Variants in CES5A observed in about 807,000 individuals in gnomAD.
The protein encoded by CES5A is carboxylesterase 5.
A neutral mutation model predicts 62.9 loss-of-function variants in CES5A; 67 were observed. The observed-to-expected ratio is 1.07, with a 90% CI of 0.88 to 1.31. The LOEUF is 1.31. Ranked by LOEUF, CES5A falls within the 50% of genes most tolerant of loss-of-function variation. The pLI, the probability that CES5A is intolerant of heterozygous loss-of-function variation, is 0.00. For synonymous variants in CES5A, 296 were observed against 280.8 expected (o/e 1.05, Z -0.54); for missense variants, 748 against 708.5 (o/e 1.06, Z -0.63).
At chr16:55,954,871 T>C (rs2034592685) in intron 1 of CES5A, among the ~76,000 whole-genome samples, 1 of 152,200 alleles carries the variant, frequency 6.6e-6, no homozygotes, top group African/African-American at 2.4e-5. Context: ...ATAAATATTA[T>C]TCCCATTGCA....
Position 55,955,746 on chromosome 16 carries a change from G to A in CES5A, c.42+98C>T, listed in dbSNP as rs2142492024. 3.0e-6 allele frequency: 4 copies of A among 1,325,996 alleles called. No homozygotes were observed. The South Asian group carries it at 5.2e-5, about 17-fold the overall frequency. The allele number at this position is 1,325,996 out of a possible 1,614,324, so 82.1% of individuals were successfully genotyped here. A position where few individuals can be genotyped will look rare whatever the true frequency, so the allele number is the denominator to read the frequency against. On this transcript the variant is annotated intron_variant, in intron 1 of 13. Transcript: ENST00000521992. ...GGGGCTGACCCAGAGAGACAAAGTT[G>A]GGTGGGTAAATTTGCATCTAATCTA...
rs749343526 is a variant in CES5A, at chr16:55,875,200, G to T, written c.22C>A (p.Pro8Thr). 1.2e-6 allele frequency: 2 copies of T among 1,613,830 alleles called. No homozygotes were observed. Among genetic ancestry groups the T allele is most frequent in the South Asian group, 2.2e-5 (2 of 90,956 alleles). ...ATAGCCCAAATTAGGATCTGGCCTG[G>T]GTGCACCCAATTCCCACTCATTTGG... MSGNWVH[P>T]GQILIWAIWV... The change falls in exon 1 of 13, where the codon CCA (proline) becomes ACA (threonine). Residue 8 changes from proline to threonine, a missense_variant. Physicochemically the swap from Pro to Thr is conservative, Grantham distance 38. Transcript: ENST00000290567.
At chr16:55,918,353 C>A (rs183716077) in intron 1 of CES5A, among the ~76,000 whole-genome samples, 2 of 152,274 alleles carry the variant, frequency 1.3e-5, no homozygotes, top group East Asian at 3.9e-4. Flanking sequence ...ACTGTTCCAA[C>A]TATAATAAAT....
intron 2 of CES5A, among the ~76,000 whole-genome samples, chr16:55,942,525 T>C (rs1303957456): frequency 6.6e-6 from 1 of 152,226 alleles, no homozygotes; most frequent in East Asian, 1.9e-4. Context: ...AGAATGGCTA[T>C]TCTAACAATA....
In CES5A at chr16:55,874,024, T is replaced by G; in HGVS notation, c.87A>C (p.Glu29Asp). Residue 29 changes from glutamate (E) to aspartate (D), a missense_variant, in exon 2 of 13, where the codon GAA becomes GAC. Glu to Asp is a conservative substitution (Grantham distance 45). Transcript: ENST00000290567. ...CCAGCCTGGTGTTCCTCTGTGGCCC[T>G]TCAGCAGAAGGCCCTGCGGGAACAC... is the stretch of plus-strand genomic sequence containing the variant. ...LAAPTKGPSA[E>D]GPQRNTRLGW... The G allele has an allele frequency of 1.2e-6, 2 of 1,605,328 alleles. No individual in the cohort carries two copies. The highest frequency in any genetic ancestry group is 1.3e-5 in the African/African-American group (1 of 74,972).
At position 55,856,455 on chromosome 16, in the gene CES5A, G is replaced by C; in HGVS notation, c.1057-10C>G. On this transcript the variant is annotated splice_polypyrimidine_tract_variant and intron_variant, in intron 8 of 12. Coordinates refer to ENST00000290567, the MANE Select transcript of CES5A (RefSeq NM_001143685.2). ...TCTCAGGAGCCTCCTTCTGTGGAGA[G>C]AAGCGTGCCCTCTGTAAGCCATCTG... The C allele has an allele frequency of 6.2e-7, 1 of 1,613,908 alleles. No homozygotes were observed. Among genetic ancestry groups the C allele is most frequent in the East Asian group, 2.2e-5 (1 of 44,860 alleles).
chr16:55,931,959 C>T (rs1047779306), intron 2 of CES5A, among the ~76,000 whole-genome samples: 10 of 152,158 alleles, frequency 6.6e-5, no homozygotes, highest in South Asian at 4.1e-4. Context: ...TCACCAATGT[C>T]GCATTATGAA....
chr16:55,943,462 C>T (rs747842868), intron 2 of CES5A, among the ~76,000 whole-genome samples: 20 of 152,230 alleles, frequency 1.3e-4, no homozygotes, highest in Non-Finnish European at 2.6e-4. Flanking sequence ...ATCCCTTTCT[C>T]TCTGGCATTA....
At chr16:55,894,791 T>A (rs1317265231) in intron 1 of CES5A, among the ~76,000 whole-genome samples, 1 of 152,174 alleles carries the variant, frequency 6.6e-6, no homozygotes, top group Non-Finnish European at 1.5e-5. Context: ...CATGGCAGTT[T>A]TGAAGGTGGT....
chr16:55,851,717 ATAGCCAATAGGCAAATG>A (rs144621579), intron 10 of CES5A, among the ~76,000 whole-genome samples: 5,280 of 152,322 alleles, frequency 0.035, 297 homozygotes, highest in African/African-American at 0.12. Context: ...TTGCAGCATT[ATAGCCAATAGGCAAATG>A]TAGCCAATAG....
intron 5 of CES5A, among the ~76,000 whole-genome samples, chr16:55,864,097 A>G (rs2033408452): frequency 6.6e-6 from 1 of 152,204 alleles, no homozygotes; most frequent in Non-Finnish European, 1.5e-5. Context: ...AAACTGGAGT[A>G]AAAATTTAGC....
chr16:55,918,834 C>G (rs1207620065), intron 1 of CES5A, among the ~76,000 whole-genome samples: 1 of 152,192 alleles, frequency 6.6e-6, no homozygotes, highest in African/African-American at 2.4e-5. Context: ...TTGTAAACTA[C>G]AGGCACCTCA....
chr16:55,935,315 G>C (rs145699213), intron 2 of CES5A, among the ~76,000 whole-genome samples: 2 of 152,220 alleles, frequency 1.3e-5, no homozygotes, highest in Non-Finnish European at 2.9e-5. Flanking sequence ...GGCAGAAAGA[G>C]TTTCTTCTTA....
At chr16:55,875,378 T>C, upstream of CES5A, 3 of 1,425,206 alleles carry the variant, frequency 2.1e-6, no homozygotes, top group Non-Finnish European at 2.7e-6. Flanking sequence ...AACAATATTC[T>C]CAAAGGAATT....
chr16:55,862,556 T>C (rs2033374663), intron 6 of CES5A, among the ~76,000 whole-genome samples: 1 of 152,220 alleles, frequency 6.6e-6, no homozygotes, highest in South Asian at 2.1e-4. Context: ...AAAATAGCTT[T>C]ATGGAGAATG....
At chr16:55,899,185 G>T (rs2033964466) in intron 1 of CES5A, among the ~76,000 whole-genome samples, 1 of 152,124 alleles carries the variant, frequency 6.6e-6, no homozygotes, top group Admixed American at 6.5e-5. Flanking sequence ...CAAAGGTCCT[G>T]AATGTCCGAG....
intron 7 of CES5A, among the ~76,000 whole-genome samples, chr16:55,860,235 A>G (rs1234240080): frequency 6.6e-6 from 1 of 152,096 alleles, no homozygotes; most frequent in Non-Finnish European, 1.5e-5. Context: ...CTCCCCAGCC[A>G]TGTGGAACTG....
chr16:55,869,505 A>C (rs564622269), intron 4 of CES5A, 106 bp downstream of exon 4: 1 of 1,412,508 alleles, frequency 7.1e-7, no homozygotes, highest in African/African-American at 1.4e-5. Context: ...AGTTTTGTTC[A>C]TTGTCCCGGA....
intron 9 of CES5A, among the ~76,000 whole-genome samples, chr16:55,855,179 C>T (rs1217321298): frequency 6.6e-6 from 1 of 152,252 alleles, no homozygotes; most frequent in Non-Finnish European, 1.5e-5. Flanking sequence ...CTGTCCACCC[C>T]ACATTGCACC....
Sources: gnomAD v4.1 joint callset for allele counts (sites outside exome capture counted in the v4.1 genomes callset) on GRCh38, gnomAD v4.1.1 for gene constraint, MANE v1.5 for transcripts, NCBI Gene and HGNC (gene_info 2026-07-23, HGNC 2026-07-21) for gene names.